The following SNX7 variants were observed in gnomAD, a reference collection of about 807,000 sequenced individuals.
SNX7 encodes sorting nexin 7.
A neutral mutation model predicts 48.4 loss-of-function variants in SNX7; 35 were observed. The observed-to-expected ratio is 0.72, with a 90% confidence interval of 0.55 to 0.96. The LOEUF (loss-of-function observed/expected upper bound fraction) is 0.96. Among genes scored for constraint, SNX7 ranks in the 40% least tolerant of loss-of-function variants. SNX7 has a pLI of 0.00. For synonymous variants in SNX7, 190 were observed against 190.2 expected (o/e 1.00, Z 0.01); for missense variants, 553 against 548.9 (o/e 1.01, Z -0.07).
At chr1:98,693,456 G>A (rs1651258379) in intron 4 of SNX7, among the ~76,000 whole-genome samples, 1 of 152,208 alleles carries the variant, frequency 6.6e-6, no homozygotes, top group Admixed American at 6.5e-5. Flanking sequence ...AATCTTGACA[G>A]ATAGTCCTCT....
intron 8 of SNX7, among the ~76,000 whole-genome samples, chr1:98,741,232 G>A (rs1482138): frequency 0.26 from 40,140 of 151,868 alleles, 5,616 homozygotes; most frequent in Middle Eastern, 0.31. Context: ...ATTTGCCTTT[G>A]GATTTACCTG....
chr1:98,699,902 A>G (rs1290609630), intron 6 of SNX7, among the ~76,000 whole-genome samples: 5 of 152,092 alleles, frequency 3.3e-5, no homozygotes, highest in African/African-American at 1.2e-4. Flanking sequence ...AAAGCCTTCG[A>G]TGTTTCACTG....
intron 7 of SNX7, among the ~76,000 whole-genome samples, chr1:98,726,918 A>T (rs1050474879): frequency 6.6e-6 from 1 of 152,176 alleles, no homozygotes; most frequent in Non-Finnish European, 1.5e-5. Flanking sequence ...ACTTAAAAAT[A>T]AAGTTTTTTT....
At chr1:98,664,044 C>T (rs1251771737) in intron 1 of SNX7, among the ~76,000 whole-genome samples, 1 of 152,174 alleles carries the variant, frequency 6.6e-6, no homozygotes, top group Non-Finnish European at 1.5e-5. Flanking sequence ...CTTTCCACTA[C>T]CTTCCTTGCC....
Position 98,721,727 on chromosome 1 carries a change from T to C in SNX7, c.1126-16510T>C, listed in dbSNP as rs542438557. 8.5e-5 allele frequency among the ~76,000 whole-genome samples: 13 copies of C among 152,200 alleles called. No individual in the cohort carries two copies. In the South Asian group the frequency reaches 2.7e-3, roughly 32 times the overall value. ...GTTCTGTGAAATAAATAAATTTTGATTTTTGGCTTTGAAATAATTTTTAAC... is the reference window on the plus strand; with the variant it reads ...GTTCTGTGAAATAAATAAATTTTGACTTTTGGCTTTGAAATAATTTTTAAC... On this transcript the variant is annotated intron_variant, in intron 7 of 8. Coordinates refer to ENST00000306121, the MANE Select transcript of SNX7 (RefSeq NM_015976.5).
At chr1:98,750,488 G>T (rs980815838) in intron 8 of SNX7, among the ~76,000 whole-genome samples, 6 of 151,998 alleles carry the variant, frequency 3.9e-5, no homozygotes, top group Non-Finnish European at 8.8e-5. Context: ...TTATGGAAAG[G>T]AATATGTAAA....
At chr1:98,692,056 C>T (rs2100955896) in intron 4 of SNX7, among the ~76,000 whole-genome samples, 1 of 151,826 alleles carries the variant, frequency 6.6e-6, no homozygotes, top group South Asian at 2.1e-4. Flanking sequence ...GTAGTTGACC[C>T]TTGAACAACA....
At chr1:98,672,968 T>G (rs1649963792) in intron 1 of SNX7, among the ~76,000 whole-genome samples, 1 of 149,504 alleles carries the variant, frequency 6.7e-6, no homozygotes, top group Admixed American at 6.6e-5. Context: ...TATTCAAGTG[T>G]AATCAAGATA....
intron 7 of SNX7, among the ~76,000 whole-genome samples, chr1:98,737,142 G>A (rs1004665135): frequency 6.6e-6 from 1 of 151,382 alleles, no homozygotes. Context: ...ACCTAGGCAT[G>A]CTTCTACCTC....
intron 1 of SNX7, among the ~76,000 whole-genome samples, chr1:98,682,532 A>G (rs754391068): frequency 1.2e-4 from 19 of 152,154 alleles, no homozygotes; most frequent in African/African-American, 4.1e-4. Context: ...TTGAATGACA[A>G]TTGCCTGGAT....
intron 7 of SNX7, among the ~76,000 whole-genome samples, chr1:98,727,951 G>A (rs1653276941): frequency 6.6e-6 from 1 of 151,942 alleles, no homozygotes; most frequent in South Asian, 2.1e-4. Context: ...GAATCATGTT[G>A]GAAAAGAAAC....
At chr1:98,702,047 T>G in intron 7 of SNX7, 144 bp downstream of exon 7, 1 of 561,628 alleles carries the variant, frequency 1.8e-6, no homozygotes, top group Non-Finnish European at 3.1e-6. Flanking sequence ...TAAAATTTCT[T>G]CCTAAAATCT....
intron 7 of SNX7, among the ~76,000 whole-genome samples, chr1:98,715,834 A>T (rs1570561325): frequency 1.3e-5 from 2 of 152,230 alleles, no homozygotes; most frequent in Middle Eastern, 3.4e-3. Flanking sequence ...TTGGCATTAG[A>T]TGTGTTCATT....
At chr1:98,693,960 A>G (rs1023801860) in intron 4 of SNX7, among the ~76,000 whole-genome samples, 2 of 152,194 alleles carry the variant, frequency 1.3e-5, no homozygotes, top group Non-Finnish European at 2.9e-5. Context: ...CTTATGCCAT[A>G]CTTCTCAAGG....
intron 7 of SNX7, among the ~76,000 whole-genome samples, chr1:98,731,197 A>T (rs1653491760): frequency 6.6e-6 from 1 of 151,264 alleles, no homozygotes. Flanking sequence ...AAAGTATAGG[A>T]ATACTGTTTT....
At chr1:98,661,711 G>A (rs954686823), upstream of SNX7, 2 of 1,211,340 alleles carry the variant, frequency 1.7e-6, no homozygotes, top group Non-Finnish European at 1.0e-6. Flanking sequence ...GGTGGCGGCC[G>A]GCTGGGCGCG....
chr1:98,706,082 A>G (rs943444395), intron 7 of SNX7, among the ~76,000 whole-genome samples: 1 of 152,216 alleles, frequency 6.6e-6, no homozygotes, highest in Non-Finnish European at 1.5e-5. Context: ...GTATTCAACA[A>G]AAACTTTTCA....
intron 7 of SNX7, among the ~76,000 whole-genome samples, chr1:98,712,522 C>T (rs56362627): frequency 0.21 from 32,142 of 152,008 alleles, 3,666 homozygotes; most frequent in East Asian, 0.31. Context: ...AGCAGTAGAT[C>T]TCAAGAGTGG....
At chr1:98,679,610 A>G (rs949631469) in intron 1 of SNX7, among the ~76,000 whole-genome samples, 1 of 152,234 alleles carries the variant, frequency 6.6e-6, no homozygotes, top group African/African-American at 2.4e-5. Flanking sequence ...GGGTACAGAC[A>G]TTGGGTAAAT....
Sources: allele counts gnomAD v4.1 joint callset (sites outside exome capture counted in the v4.1 genomes callset), GRCh38; gene constraint gnomAD v4.1.1; transcripts MANE v1.5; gene names NCBI Gene and HGNC (gene_info 2026-07-23, HGNC 2026-07-21).